The following RTL4 variants were observed in gnomAD, a reference collection of about 807,000 sequenced individuals.
RTL4 encodes retrotransposon Gag like 4, also known as retrotransposon Gag-like protein 4.
A neutral mutation model predicts 5.3 loss-of-function variants in RTL4; 4 were observed. That is an observed-to-expected ratio of 0.75 (90% CI 0.37 to 1.72). The LOEUF (loss-of-function observed/expected upper bound fraction) is 1.72. Ranked by LOEUF, RTL4 falls within the 40% of genes most tolerant of loss-of-function variation. The probability of loss-of-function intolerance (pLI) is 0.04; values close to 1 mark genes in which losing one functional copy is unlikely to be tolerated. For synonymous variants in RTL4, 98 were observed against 87.3 expected (o/e 1.12, Z -0.68); for missense variants, 260 against 227.1 (o/e 1.14, Z -0.93).
the RTL4 span, among the ~76,000 whole-genome samples, chrX:112,176,714 A>G: frequency 2.7e-5 from 3 of 111,900 alleles, no homozygotes; most frequent in Admixed American, 9.5e-5. Flanking sequence ...TTTGAAATAT[A>G]AGATTAATTA....
the RTL4 span, among the ~76,000 whole-genome samples, chrX:112,346,565 C>T: frequency 2.2e-4 from 25 of 111,209 alleles, no homozygotes; most frequent in Non-Finnish European, 3.8e-4. Context: ...GGCTGGGGTT[C>T]GGGGGTGAGA....
At chrX:112,296,714 T>A in the RTL4 span, among the ~76,000 whole-genome samples, 2 of 106,783 alleles carry the variant, frequency 1.9e-5, no homozygotes, top group Non-Finnish European at 3.9e-5. Context: ...AGTTCACGCC[T>A]TTCTCCTGCC....
the RTL4 span, among the ~76,000 whole-genome samples, chrX:112,221,266 G>A: frequency 9.0e-6 from 1 of 111,510 alleles, no homozygotes; most frequent in East Asian, 2.8e-4. Context: ...ACTATCATAA[G>A]AACAGCATGA....
the RTL4 span, among the ~76,000 whole-genome samples, chrX:112,112,505 T>A: frequency 3.8e-3 from 421 of 112,178 alleles, 1 homozygote; most frequent in African/African-American, 0.013. Flanking sequence ...GCTGTATTCA[T>A]TCCTTGTTGA....
the RTL4 span, among the ~76,000 whole-genome samples, chrX:112,120,461 A>G: frequency 1.8e-5 from 2 of 110,448 alleles, no homozygotes; most frequent in South Asian, 3.9e-4. Context: ...TATTTTTAGT[A>G]GAGACGGGGT....
chrX:112,450,983 A>AC (rs1266825453), upstream of RTL4, among the ~76,000 whole-genome samples: 1 of 111,870 alleles, frequency 8.9e-6, no homozygotes, highest in Non-Finnish European at 1.9e-5. Flanking sequence ...TCATGCACTT[A>AC]GTCTTTATCC....
chrX:112,391,923 T>C, the RTL4 span, among the ~76,000 whole-genome samples: 1 of 110,453 alleles, frequency 9.1e-6, no homozygotes, highest in African/African-American at 3.3e-5. Context: ...CCCAGAGAGA[T>C]GCATGTTAGC....
At chrX:112,150,154 G>A in the RTL4 span, among the ~76,000 whole-genome samples, 1 of 111,423 alleles carries the variant, frequency 9.0e-6, no homozygotes. Context: ...AATAGTGGGT[G>A]GAAGGGGAAT....
chrX:112,120,580 G>GTTTTTT, the RTL4 span, among the ~76,000 whole-genome samples: 10 of 92,976 alleles, frequency 1.1e-4, 1 homozygote, highest in African/African-American at 2.4e-4. Context: ...CCCGGCTGGG[G>GTTTTTT]TTTTTTTTTT....
the RTL4 span, among the ~76,000 whole-genome samples, chrX:112,297,724 C>T: frequency 8.1e-5 from 9 of 111,463 alleles, no homozygotes; most frequent in African/African-American, 2.9e-4. Flanking sequence ...CTAGGTCTGT[C>T]CCCCCAACAA....
the RTL4 span, among the ~76,000 whole-genome samples, chrX:112,250,505 T>C: frequency 1.8e-5 from 2 of 111,731 alleles, no homozygotes; most frequent in East Asian, 5.7e-4. Context: ...TGTGTATCAC[T>C]TGTGTCACTG....
the RTL4 span, among the ~76,000 whole-genome samples, chrX:112,225,452 G>A: frequency 9.0e-6 from 1 of 111,607 alleles, no homozygotes; most frequent in Non-Finnish European, 1.9e-5. Context: ...TTAATCAATT[G>A]ATTTTCTGAT....
chrX:112,088,007 T>G, the RTL4 span, among the ~76,000 whole-genome samples: 3 of 110,092 alleles, frequency 2.7e-5, no homozygotes, highest in Non-Finnish European at 3.8e-5. Context: ...TTTCTTTTTT[T>G]TTTTTGCCTT....
the RTL4 span, among the ~76,000 whole-genome samples, chrX:112,111,568 G>T: frequency 8.9e-6 from 1 of 112,692 alleles, no homozygotes; most frequent in Non-Finnish European, 1.9e-5. Context: ...TGCAGCATGG[G>T]CATGTAGGAT....
At chrX:112,338,554 TA>T in the RTL4 span, among the ~76,000 whole-genome samples, 1 of 112,258 alleles carries the variant, frequency 8.9e-6, no homozygotes, top group Admixed American at 9.5e-5. Context: ...ATCTATGTTT[TA>T]CAAATCATCT....
At chrX:112,229,960 A>G in the RTL4 span, among the ~76,000 whole-genome samples, 1 of 112,550 alleles carries the variant, frequency 8.9e-6, no homozygotes, top group East Asian at 2.8e-4. Context: ...CCTCCCAGTT[A>G]GGCTACTCGG....
At chrX:112,240,670 G>GTATT in the RTL4 span, among the ~76,000 whole-genome samples, 5 of 111,298 alleles carry the variant, frequency 4.5e-5, no homozygotes, top group Non-Finnish European at 9.4e-5. Flanking sequence ...AAGATCATTT[G>GTATT]TATTTATTTA....
chrX:112,284,451 T>G, the RTL4 span, among the ~76,000 whole-genome samples: 1 of 110,673 alleles, frequency 9.0e-6, no homozygotes, highest in South Asian at 3.8e-4. Context: ...GGAATATTAT[T>G]TTTCATTCCT....
the RTL4 span, among the ~76,000 whole-genome samples, chrX:112,372,425 T>G: frequency 9.0e-6 from 1 of 111,575 alleles, no homozygotes; most frequent in Non-Finnish European, 1.9e-5. Context: ...CAAACAATGT[T>G]ACTATGCATG....
Sources: allele counts gnomAD v4.1 joint callset (sites outside exome capture counted in the v4.1 genomes callset), GRCh38; gene constraint gnomAD v4.1.1; transcripts MANE v1.5; gene names NCBI Gene and HGNC (gene_info 2026-07-23, HGNC 2026-07-21).